Variants in CATSPERT observed in about 807,000 individuals in gnomAD.
The protein encoded by CATSPERT is cation channel sperm-associated targeting subunit tau.
chr2:201,552,397 A>G, the CATSPERT span, among the ~76,000 whole-genome samples: 2 of 152,342 alleles, frequency 1.3e-5, no homozygotes, highest in African/African-American at 4.8e-5. Context: ...TGACATTACA[A>G]GAATAAGTTG....
At chr2:201,585,265 A>G in the CATSPERT span, among the ~76,000 whole-genome samples, 4 of 152,254 alleles carry the variant, frequency 2.6e-5, no homozygotes, top group African/African-American at 9.6e-5. Flanking sequence ...GGATAACCTT[A>G]GGAGAAATAC....
chr2:201,615,881 A>T, the CATSPERT span, among the ~76,000 whole-genome samples: 5 of 151,906 alleles, frequency 3.3e-5, no homozygotes, highest in Admixed American at 3.3e-4. Flanking sequence ...GGATATCACC[A>T]CCGATCCCAC....
At chr2:201,538,618 G>T in the CATSPERT span, among the ~76,000 whole-genome samples, 7 of 152,108 alleles carry the variant, frequency 4.6e-5, no homozygotes, top group Admixed American at 4.6e-4. Flanking sequence ...TATTGTAATT[G>T]TTGAGGGGCA....
the CATSPERT span, among the ~76,000 whole-genome samples, chr2:201,612,291 G>A: frequency 6.6e-6 from 1 of 151,986 alleles, no homozygotes; most frequent in South Asian, 2.1e-4. Context: ...AGGATTAAAG[G>A]GGGCCGGGCA....
chr2:201,505,849 T>A, the CATSPERT span, among the ~76,000 whole-genome samples: 3 of 152,166 alleles, frequency 2.0e-5, no homozygotes, highest in African/African-American at 7.2e-5. Flanking sequence ...ATGTAAGATG[T>A]TAACAATGGA....
the CATSPERT span, among the ~76,000 whole-genome samples, chr2:201,523,832 A>G: frequency 6.6e-6 from 1 of 152,214 alleles, no homozygotes; most frequent in Non-Finnish European, 1.5e-5. Flanking sequence ...AAAACTCACT[A>G]TAAGAATTTC....
the CATSPERT span, among the ~76,000 whole-genome samples, chr2:201,601,273 A>AGTGTGTGT: frequency 2.7e-3 from 113 of 41,850 alleles, 1 homozygote; most frequent in African/African-American, 5.5e-3. Context: ...TAAGGATGAT[A>AGTGTGTGT]GTGTGTGTGT....
the CATSPERT span, among the ~76,000 whole-genome samples, chr2:201,527,107 C>T: frequency 1.3e-5 from 2 of 152,074 alleles, no homozygotes; most frequent in Non-Finnish European, 2.9e-5. Flanking sequence ...CATTTCTATA[C>T]ACCAATAATG....
At chr2:201,582,882 T>A in the CATSPERT span, among the ~76,000 whole-genome samples, 1 of 152,146 alleles carries the variant, frequency 6.6e-6, no homozygotes, top group Non-Finnish European at 1.5e-5. Context: ...AGAGCCGATA[T>A]CAGCCTTCTT....
At chr2:201,597,631 C>A in the CATSPERT span, among the ~76,000 whole-genome samples, 1 of 152,134 alleles carries the variant, frequency 6.6e-6, no homozygotes, top group Non-Finnish European at 1.5e-5. Context: ...GTGGAGCTCA[C>A]CGCTTGTGCT....
chr2:201,543,899 T>A, the CATSPERT span, among the ~76,000 whole-genome samples: 1 of 152,182 alleles, frequency 6.6e-6, no homozygotes, highest in Non-Finnish European at 1.5e-5. Context: ...AGGGTACATG[T>A]GCACAACATA....
chr2:201,588,489 C>G, the CATSPERT span, among the ~76,000 whole-genome samples: 1 of 149,052 alleles, frequency 6.7e-6, no homozygotes, highest in Non-Finnish European at 1.5e-5. Flanking sequence ...TATTGAAGGA[C>G]CATACCTCAG....
the CATSPERT span, among the ~76,000 whole-genome samples, chr2:201,497,711 G>A: frequency 6.6e-6 from 1 of 152,244 alleles, no homozygotes; most frequent in East Asian, 1.9e-4. Flanking sequence ...CAAATAAAAA[G>A]CTTCAGTAAA....
chr2:201,601,955 C>T, the CATSPERT span: 2 of 1,174,558 alleles, frequency 1.7e-6, no homozygotes, highest in Non-Finnish European at 1.2e-6. Flanking sequence ...AAAATTAATA[C>T]ATTAAACGAT....
At chr2:201,560,785 C>CTT in the CATSPERT span, among the ~76,000 whole-genome samples, 6 of 151,340 alleles carry the variant, frequency 4.0e-5, no homozygotes, top group African/African-American at 9.7e-5. Flanking sequence ...TGTGAAATCT[C>CTT]TCTTTTTTTT....
the CATSPERT span, among the ~76,000 whole-genome samples, chr2:201,581,191 A>C: frequency 2.0e-5 from 3 of 151,612 alleles, no homozygotes; most frequent in African/African-American, 7.3e-5. Context: ...AGATTATTTG[A>C]ACTCAGGAGT....
At chr2:201,610,320 T>C in the CATSPERT span, among the ~76,000 whole-genome samples, 1 of 151,780 alleles carries the variant, frequency 6.6e-6, no homozygotes, top group Non-Finnish European at 1.5e-5. Flanking sequence ...TAGCCGGGCG[T>C]GGTGGCGGGC....
At chr2:201,510,084 C>G in the CATSPERT span, among the ~76,000 whole-genome samples, 5 of 150,762 alleles carry the variant, frequency 3.3e-5, no homozygotes, top group Non-Finnish European at 5.9e-5. Flanking sequence ...TCAGGACACT[C>G]TCTCTCCATG....
At chr2:201,517,772 T>C in the CATSPERT span, among the ~76,000 whole-genome samples, 1 of 152,180 alleles carries the variant, frequency 6.6e-6, no homozygotes, top group African/African-American at 2.4e-5. Context: ...TGTTGGGCCC[T>C]TTCTACCTTG....
Sources: allele counts gnomAD v4.1 joint callset (sites outside exome capture counted in the v4.1 genomes callset), GRCh38; gene constraint gnomAD v4.1.1; transcripts MANE v1.5; gene names NCBI Gene and HGNC (gene_info 2026-07-23, HGNC 2026-07-21).